The following PIP5K1B variants were observed in gnomAD, a reference collection of about 807,000 sequenced individuals.
The protein encoded by PIP5K1B is phosphatidylinositol-4-phosphate 5-kinase type 1 beta, also known as phosphatidylinositol 4-phosphate 5-kinase type-1 beta.
In PIP5K1B, 42 loss-of-function variants were observed where a neutral mutation model predicts 67.0. That is an observed-to-expected ratio of 0.63 (90% CI 0.49 to 0.81). The LOEUF is 0.81. Among genes scored for constraint, PIP5K1B ranks in the 30% least tolerant of loss-of-function variants. The pLI is 0.00. For synonymous variants in PIP5K1B, 214 were observed against 231.4 expected (o/e 0.92, Z 0.68); for missense variants, 459 against 646.3 (o/e 0.71, Z 3.14).
At chr9:68,943,147 C>T (rs1564255571) in intron 14 of PIP5K1B, among the ~76,000 whole-genome samples, 1 of 152,194 alleles carries the variant, frequency 6.6e-6, no homozygotes, top group African/African-American at 2.4e-5. Context: ...TTTGCAATAT[C>T]AGTGTCTTCG....
chr9:68,780,128 C>G, intron 2 of PIP5K1B: 2 of 1,504,666 alleles, frequency 1.3e-6, no homozygotes, highest in Non-Finnish European at 1.8e-6. Flanking sequence ...ATCCTAGGTC[C>G]CTGACTGAGC....
intron 14 of PIP5K1B, among the ~76,000 whole-genome samples, chr9:68,980,656 C>T (rs1246665303): frequency 6.6e-6 from 1 of 152,142 alleles, no homozygotes; most frequent in Non-Finnish European, 1.5e-5. Flanking sequence ...GGGCATCTTT[C>T]CCACCCACAG....
intron 4 of PIP5K1B, among the ~76,000 whole-genome samples, chr9:68,833,261 A>G (rs1834414513): frequency 6.6e-6 from 1 of 152,248 alleles, no homozygotes; most frequent in Non-Finnish European, 1.5e-5. Flanking sequence ...CTCCCTAAGG[A>G]GGCAGCACAG....
intron 4 of PIP5K1B, among the ~76,000 whole-genome samples, chr9:68,827,568 T>C (rs1157568628): frequency 1.3e-5 from 2 of 152,208 alleles, no homozygotes; most frequent in Non-Finnish European, 2.9e-5. Context: ...ATGAAAGGCC[T>C]GTGCAAAGCC....
At chr9:68,727,812 G>A (rs1256236005) in intron 1 of PIP5K1B, 1 of 152,218 alleles carries the variant, frequency 6.6e-6, no homozygotes, top group Non-Finnish European at 1.5e-5. Flanking sequence ...CTCATGGAAG[G>A]AAGGTAGGTG....
At chr9:68,872,847 A>G (rs1264047039) in intron 5 of PIP5K1B, among the ~76,000 whole-genome samples, 1 of 152,240 alleles carries the variant, frequency 6.6e-6, no homozygotes, top group East Asian at 1.9e-4. Flanking sequence ...AATACCACAT[A>G]GAATTCCATT....
intron 8 of PIP5K1B, among the ~76,000 whole-genome samples, chr9:68,900,318 C>G (rs951152294): frequency 6.6e-6 from 1 of 152,230 alleles, no homozygotes; most frequent in African/African-American, 2.4e-5. Flanking sequence ...CTTTACACCT[C>G]TCTGCAGCTG....
chr9:68,821,928 G>A (rs1405968804), intron 3 of PIP5K1B, among the ~76,000 whole-genome samples: 1 of 152,018 alleles, frequency 6.6e-6, no homozygotes, highest in Non-Finnish European at 1.5e-5. Flanking sequence ...TAATCAAATG[G>A]GAAAATGTTT....
At chr9:68,916,364 G>A (rs372376869) in intron 8 of PIP5K1B, among the ~76,000 whole-genome samples, 16 of 152,266 alleles carry the variant, frequency 1.1e-4, no homozygotes, top group African/African-American at 3.1e-4. Context: ...CCTATACCCT[G>A]AAGCCATCTC....
chr9:68,719,019 AG>A (rs1827760086), intron 1 of PIP5K1B, among the ~76,000 whole-genome samples: 1 of 152,172 alleles, frequency 6.6e-6, no homozygotes, highest in African/African-American at 2.4e-5. Context: ...GTAGTATTTG[AG>A]GGAGGTCTTC....
chr9:69,008,724 A>T lies in PIP5K1B; in HGVS notation c.*275A>T. 7.4e-6 allele frequency: 3 copies of T among 403,496 alleles called. No individual in the cohort carries two copies. The South Asian group carries it at 1.2e-4, about 17-fold the overall frequency. The allele number at this position is 403,496 out of a possible 1,614,324, so 25.0% of individuals were successfully genotyped here. A position where few individuals can be genotyped will look rare whatever the true frequency, so the allele number is the denominator to read the frequency against. On this transcript the variant is annotated 3_prime_UTR_variant, in exon 16 of 16. Transcript: ENST00000265382. ...TTAAGCTGCTTTCTGTACCATTGCCAATCACCTTTTTGGAGTTGGAAGTGC... is the reference window on the plus strand; with the variant it reads ...TTAAGCTGCTTTCTGTACCATTGCCTATCACCTTTTTGGAGTTGGAAGTGC...
intron 1 of PIP5K1B, among the ~76,000 whole-genome samples, chr9:68,741,147 C>CT (rs1388239852): frequency 3.9e-5 from 6 of 152,192 alleles, no homozygotes; most frequent in African/African-American, 1.4e-4. Context: ...TATTAGCTTC[C>CT]TTTTTTCTGA....
intron 4 of PIP5K1B, among the ~76,000 whole-genome samples, chr9:68,836,135 A>G (rs1446676092): frequency 2.6e-5 from 4 of 152,176 alleles, no homozygotes; most frequent in Non-Finnish European, 5.9e-5. Context: ...GACAACATCT[A>G]AAACCCGTTC....
At chr9:68,835,130 T>C (rs182865550) in intron 4 of PIP5K1B, among the ~76,000 whole-genome samples, 1 of 152,334 alleles carries the variant, frequency 6.6e-6, no homozygotes, top group East Asian at 1.9e-4. Flanking sequence ...TCAATGATTG[T>C]TCAGGTTTGC....
intron 7 of PIP5K1B, among the ~76,000 whole-genome samples, chr9:68,891,910 A>C (rs544503121): frequency 6.6e-6 from 1 of 152,042 alleles, no homozygotes; most frequent in Non-Finnish European, 1.5e-5. Flanking sequence ...AAAAATAAGT[A>C]AATAAAGTCA....
intron 14 of PIP5K1B, among the ~76,000 whole-genome samples, chr9:68,957,853 G>T (rs972383781): frequency 6.6e-6 from 1 of 151,144 alleles, no homozygotes; most frequent in Admixed American, 6.6e-5. Context: ...ACCTTCCTAG[G>T]TTTATTACCT....
At chr9:68,894,291 T>C in intron 7 of PIP5K1B, 48 bp from the exon 8 acceptor site, 1 of 1,204,486 alleles carries the variant, frequency 8.3e-7, no homozygotes. Flanking sequence ...AGCATTATTT[T>C]GTCAAAATAG....
chr9:68,746,518 A>C (rs1829319287), intron 2 of PIP5K1B, among the ~76,000 whole-genome samples: 1 of 150,810 alleles, frequency 6.6e-6, no homozygotes, highest in Non-Finnish European at 1.5e-5. Flanking sequence ...TTTTTCTCTC[A>C]CTCTCTTCTA....
At chr9:68,985,167 C>T (rs560558410) in intron 14 of PIP5K1B, among the ~76,000 whole-genome samples, 2 of 152,278 alleles carry the variant, frequency 1.3e-5, no homozygotes, top group East Asian at 3.9e-4. Flanking sequence ...CAGTTGGCCA[C>T]TCTTCTCATG....
Sources: allele counts gnomAD v4.1 joint callset (sites outside exome capture counted in the v4.1 genomes callset), GRCh38; gene constraint gnomAD v4.1.1; transcripts MANE v1.5; gene names NCBI Gene and HGNC (gene_info 2026-07-23, HGNC 2026-07-21).